The following PKP4 variants were observed in gnomAD, a reference collection of about 807,000 sequenced individuals.
PKP4 encodes the protein plakophilin 4.
Under a neutral mutation model 145.1 loss-of-function variants are expected in PKP4, and 90 were observed. The ratio of observed to expected loss-of-function variants is 0.62; its 90% CI spans 0.52 to 0.74. PKP4 has a LOEUF of 0.74. Ranked by LOEUF, PKP4 falls within the 30% of genes least tolerant of loss-of-function variation. The probability of loss-of-function intolerance (pLI) is 0.00; values close to 1 mark genes in which losing one functional copy is unlikely to be tolerated. For missense variants in PKP4, 1,340 were observed against 1,482.7 expected, an observed-to-expected ratio of 0.90 and a Z score of 1.58; for synonymous variants, 563 against 577.2, an observed-to-expected ratio of 0.98 and a Z score of 0.35.
chr2:158,532,350 T>G (rs16843009), intron 1 of PKP4, among the ~76,000 whole-genome samples: 22,670 of 152,190 alleles, frequency 0.15, 1,871 homozygotes, highest in Middle Eastern at 0.28. Context: ...AAATATATCA[T>G]CCTTCATTCA....
At chr2:158,669,998 C>A in intron 17 of PKP4, 83 bp downstream of exon 17, 2 of 1,091,496 alleles carry the variant, frequency 1.8e-6, no homozygotes, top group South Asian at 2.0e-5. Flanking sequence ...GGATACCTTT[C>A]CTATTGGAAA....
At chr2:158,533,012 CA>C (rs1465889551) in intron 1 of PKP4, among the ~76,000 whole-genome samples, 167 bp from the exon 2 acceptor site, 3 of 152,132 alleles carry the variant, frequency 2.0e-5, no homozygotes, top group Admixed American at 6.5e-5. Context: ...ATAAGTTAGT[CA>C]TATTTACTTA....
At chr2:158,626,638 C>T (rs941441946) in intron 7 of PKP4, among the ~76,000 whole-genome samples, 3 of 152,084 alleles carry the variant, frequency 2.0e-5, no homozygotes, top group Non-Finnish European at 4.4e-5. Context: ...GTTTGAGTGC[C>T]TGTTTGTCTA....
intron 11 of PKP4, among the ~76,000 whole-genome samples, chr2:158,650,516 A>G (rs2055261796): frequency 6.6e-6 from 1 of 152,190 alleles, no homozygotes; most frequent in Non-Finnish European, 1.5e-5. Flanking sequence ...TATATTCTCT[A>G]AAGGCACTAA....
intron 3 of PKP4, among the ~76,000 whole-genome samples, chr2:158,582,313 G>A (rs147457876): frequency 7.7e-4 from 117 of 152,242 alleles, no homozygotes; most frequent in Admixed American, 1.8e-3. Context: ...AAACTTTTCT[G>A]CATTTGTTCT....
chr2:158,471,446 G>C (rs1222864203), intron 1 of PKP4, among the ~76,000 whole-genome samples: 1 of 152,138 alleles, frequency 6.6e-6, no homozygotes, highest in Non-Finnish European at 1.5e-5. Flanking sequence ...GTATTTTCTG[G>C]ATCATGAGAT....
At chr2:158,640,479 A>C in intron 9 of PKP4, 148 bp from the exon 10 acceptor site, 2 of 730,960 alleles carry the variant, frequency 2.7e-6, no homozygotes, top group Non-Finnish European at 4.4e-6. Context: ...CATCAGGGGG[A>C]AAAATTATTT....
chr2:158,500,991 C>A (rs1270472582), intron 1 of PKP4, among the ~76,000 whole-genome samples: 1 of 152,010 alleles, frequency 6.6e-6, no homozygotes, highest in Non-Finnish European at 1.5e-5. Flanking sequence ...TACTTTGAGG[C>A]CTGAGAAACC....
intron 6 of PKP4, among the ~76,000 whole-genome samples, chr2:158,621,637 T>G (rs908096831): frequency 6.6e-6 from 1 of 151,054 alleles, no homozygotes; most frequent in African/African-American, 2.4e-5. Context: ...TCTCAGCAAC[T>G]CGGGAGGCTG....
chr2:158,564,278 A>G (rs1350373004), intron 2 of PKP4, among the ~76,000 whole-genome samples: 6 of 151,890 alleles, frequency 4.0e-5, no homozygotes, highest in African/African-American at 1.5e-4. Flanking sequence ...GTTGTGTTTT[A>G]CTCAGTTCTT....
chr2:158,558,516 T>C (rs933410829), intron 2 of PKP4, among the ~76,000 whole-genome samples: 4 of 151,986 alleles, frequency 2.6e-5, no homozygotes, highest in Non-Finnish European at 5.9e-5. Context: ...TCAGGGTAGA[T>C]AGATGGAGAA....
At chr2:158,667,165 T>C (rs2057168777) in intron 16 of PKP4, among the ~76,000 whole-genome samples, 1 of 152,190 alleles carries the variant, frequency 6.6e-6, no homozygotes, top group African/African-American at 2.4e-5. Context: ...TGAGGACCTC[T>C]GTACGCTCCG....
At chr2:158,588,584 A>C (rs1457724258) in intron 3 of PKP4, among the ~76,000 whole-genome samples, 1 of 152,146 alleles carries the variant, frequency 6.6e-6, no homozygotes, top group African/African-American at 2.4e-5. Context: ...TATATTTCTT[A>C]AAATAGTACA....
intron 3 of PKP4, among the ~76,000 whole-genome samples, chr2:158,588,626 A>G (rs1325378136): frequency 3.9e-5 from 6 of 152,164 alleles, no homozygotes; most frequent in Admixed American, 3.9e-4. Flanking sequence ...AAAGTACACC[A>G]TATTGATCTA....
intron 2 of PKP4, among the ~76,000 whole-genome samples, chr2:158,563,496 T>C (rs753613389): frequency 5.9e-5 from 9 of 152,188 alleles, no homozygotes; most frequent in Non-Finnish European, 1.2e-4. Flanking sequence ...TTCTTAAACA[T>C]ATTCTGTATC....
intron 2 of PKP4, among the ~76,000 whole-genome samples, chr2:158,553,344 C>T (rs1390352974): frequency 6.6e-6 from 1 of 152,110 alleles, no homozygotes; most frequent in African/African-American, 2.4e-5. Flanking sequence ...CATGTGACTC[C>T]GCAGAAATCA....
intron 2 of PKP4, among the ~76,000 whole-genome samples, chr2:158,568,692 T>A (rs2047190674): frequency 6.6e-6 from 1 of 151,938 alleles, no homozygotes; most frequent in Non-Finnish European, 1.5e-5. Flanking sequence ...AGACAGTCTT[T>A]TAAGAAGCCA....
intron 3 of PKP4, among the ~76,000 whole-genome samples, chr2:158,599,853 C>G (rs529882445): frequency 9.8e-5 from 15 of 152,288 alleles, no homozygotes; most frequent in African/African-American, 3.4e-4. Context: ...ACTTCACTCA[C>G]TGGCCTGCCC....
intron 1 of PKP4, among the ~76,000 whole-genome samples, chr2:158,486,613 A>G (rs1480818069): frequency 1.3e-5 from 2 of 152,260 alleles, no homozygotes; most frequent in Admixed American, 1.3e-4. Context: ...CATTCCAAAT[A>G]CAACTCTTCT....
Sources: gnomAD v4.1 joint callset for allele counts (sites outside exome capture counted in the v4.1 genomes callset) on GRCh38, gnomAD v4.1.1 for gene constraint, MANE v1.5 for transcripts, NCBI Gene and HGNC (gene_info 2026-07-23, HGNC 2026-07-21) for gene names.